The following PRPSAP2 variants were observed in gnomAD, a reference collection of about 807,000 sequenced individuals.
PRPSAP2 encodes the protein phosphoribosyl pyrophosphate synthetase associated protein 2.
A neutral mutation model predicts 40.6 loss-of-function variants in PRPSAP2; 24 were observed. The ratio of observed to expected loss-of-function variants is 0.59; its 90% confidence interval spans 0.43 to 0.83. PRPSAP2 has a LOEUF of 0.83. Among genes scored for constraint, PRPSAP2 ranks in the 40% least tolerant of loss-of-function variants. The pLI is 0.00. For missense variants in PRPSAP2, 292 were observed against 465.6 expected, an observed-to-expected ratio of 0.63 and a Z score of 3.43; for synonymous variants, 149 against 164.7, an observed-to-expected ratio of 0.90 and a Z score of 0.73.
chr17:18,914,017 T>TA (rs1396529714), intron 9 of PRPSAP2, among the ~76,000 whole-genome samples: 5 of 151,046 alleles, frequency 3.3e-5, no homozygotes, highest in Admixed American at 1.3e-4. Flanking sequence ...CTACAAAAAA[T>TA]ACAAAAATTA....
intron 10 of PRPSAP2, among the ~76,000 whole-genome samples, chr17:18,926,615 T>C (rs1035227447): frequency 6.6e-6 from 1 of 152,054 alleles, no homozygotes; most frequent in Non-Finnish European, 1.5e-5. Context: ...TAATTATAGA[T>C]CCACAGGAAG....
chr17:18,889,750 A>G (rs1302938178), intron 7 of PRPSAP2, 72 bp from the exon 8 acceptor site: 2 of 1,257,190 alleles, frequency 1.6e-6, no homozygotes, highest in Non-Finnish European at 2.2e-6. Flanking sequence ...CAACTAGCCA[A>G]GCATTTTTGG....
At chr17:18,914,812 G>T (rs146690247) in intron 9 of PRPSAP2, among the ~76,000 whole-genome samples, 1 of 150,138 alleles carries the variant, frequency 6.7e-6, no homozygotes, top group African/African-American at 2.5e-5. Context: ...GCAACCTCCA[G>T]CTCCCGGGTT....
At chr17:18,917,550 T>TATTATTATC (rs1168066259) in intron 9 of PRPSAP2, 3 of 41,238 alleles carry the variant, frequency 7.3e-5, no homozygotes, top group Non-Finnish European at 1.4e-4. Context: ...ATTTTGGTAT[T>TATTATTATC]ATTATTATTA....
chr17:18,923,234 C>T (rs996608336), intron 9 of PRPSAP2, among the ~76,000 whole-genome samples: 2 of 150,022 alleles, frequency 1.3e-5, no homozygotes, highest in Admixed American at 6.7e-5. Context: ...GGACTACAGG[C>T]GCCCACTAGC....
chr17:18,927,897 G>A (rs773218628), intron 10 of PRPSAP2, among the ~76,000 whole-genome samples: 8 of 152,064 alleles, frequency 5.3e-5, no homozygotes, highest in Non-Finnish European at 8.8e-5. Flanking sequence ...TCCTGCCTCA[G>A]CCTCCCAAGT....
chr17:18,911,123 G>T lies in PRPSAP2; in HGVS notation c.605G>T (p.Arg202Leu). 6.2e-7 allele frequency: 1 copy of T among 1,612,232 alleles called. No homozygotes were observed. Among genetic ancestry groups the T allele is most frequent in the Non-Finnish European group, 8.5e-7 (1 of 1,178,896 alleles). ...SAKRAQSFAE[R>L]LRLGIAVIHG... The stretch of plus-strand genomic sequence containing the variant: ...CTCAGGGCACAGTCTTTTGCTGAGC[G>T]CCTGCGCCTGGGAATTGCAGTGATT... Residue 202 changes from arginine to leucine, a missense_variant, in exon 9 of 12, where the codon CGC (arginine) becomes CTC (leucine). Transcript: ENST00000268835. The surrounding 1 kb of genome is among the most constrained non-coding windows in gnomAD (Gnocchi z 4.5).
intron 9 of PRPSAP2, among the ~76,000 whole-genome samples, chr17:18,916,905 C>T (rs1257739432): frequency 6.6e-6 from 1 of 152,140 alleles, no homozygotes; most frequent in African/African-American, 2.4e-5. Context: ...TAATCATTTC[C>T]CAAAGGCCCC....
rs993962198 is a variant in PRPSAP2 at position 18,882,663 on chromosome 17, T to C, written c.508T>C (p.Leu170=). The change falls in exon 7 of 12, where the codon TTA becomes CTA. Residue 170 remains leucine, a synonymous_variant. Transcript: ENST00000268835. ...VDNLRASPFL[L]QYIQEEIPDY... is the part of the protein sequence containing the mutation. Reference sequence around the variant, plus strand: ...CAATTTAAGAGCATCTCCCTTCTTATTACAGTATATTCAAGAAGAGGTGAG... The same window carrying C: ...CAATTTAAGAGCATCTCCCTTCTTACTACAGTATATTCAAGAAGAGGTGAG... The C allele has an allele frequency of 1.3e-6, 2 of 1,586,402 alleles. No individual in the cohort carries two copies. The highest frequency in any genetic ancestry group is 2.7e-5 in the African/African-American group (2 of 74,192).
chr17:18,881,033 C>T (rs911383609), intron 6 of PRPSAP2, among the ~76,000 whole-genome samples: 24 of 151,616 alleles, frequency 1.6e-4, no homozygotes, highest in African/African-American at 5.1e-4. Context: ...GGGGTTTCAC[C>T]GTGTTGGCCA....
At chr17:18,864,787 G>C (rs1204652843) in intron 1 of PRPSAP2, 1 of 152,186 alleles carries the variant, frequency 6.6e-6, no homozygotes, top group Non-Finnish European at 1.5e-5. Flanking sequence ...CAGCCTGCTG[G>C]ATTGTTGCTG....
intron 4 of PRPSAP2, among the ~76,000 whole-genome samples, chr17:18,869,840 T>TGTG (rs59052578): frequency 7.0e-6 from 1 of 142,458 alleles, no homozygotes; most frequent in African/African-American, 2.7e-5. Flanking sequence ...GCTACTTTTT[T>TGTG]TTTGTGTGTG....
At chr17:18,903,603 G>A (rs573613330) in intron 8 of PRPSAP2, among the ~76,000 whole-genome samples, 58 of 152,140 alleles carry the variant, frequency 3.8e-4, no homozygotes, top group African/African-American at 1.4e-3. Flanking sequence ...GTGTGGTGGC[G>A]TGTGCCTCTA....
chr17:18,870,734 G>A (rs574466166), intron 4 of PRPSAP2, among the ~76,000 whole-genome samples: 54 of 151,746 alleles, frequency 3.6e-4, no homozygotes, highest in Non-Finnish European at 6.6e-4. Context: ...ACTTGAGTCC[G>A]GGAGGTGGAG....
intron 5 of PRPSAP2, among the ~76,000 whole-genome samples, chr17:18,875,077 T>C (rs986910249): frequency 6.6e-6 from 1 of 152,208 alleles, no homozygotes; most frequent in African/African-American, 2.4e-5. Flanking sequence ...ATACTTATCC[T>C]GTGCCCCTGT....
chr17:18,919,390 C>T (rs367616942), intron 9 of PRPSAP2, among the ~76,000 whole-genome samples: 4 of 152,152 alleles, frequency 2.6e-5, no homozygotes, highest in Non-Finnish European at 4.4e-5. Context: ...TGCCTGTAAT[C>T]GCAGCTACTC....
chr17:18,860,615 T>G (rs1194741791), intron 1 of PRPSAP2: 1 of 152,212 alleles, frequency 6.6e-6, no homozygotes. Flanking sequence ...CAAGGACAAG[T>G]GATGTCCACA....
chr17:18,899,481 C>A (rs1167749931), intron 8 of PRPSAP2, among the ~76,000 whole-genome samples: 1 of 147,134 alleles, frequency 6.8e-6, no homozygotes, highest in Non-Finnish European at 1.5e-5. Flanking sequence ...ATTATTTTCA[C>A]TGTAACTTCC....
At chr17:18,884,062 AG>A (rs903029827) in intron 7 of PRPSAP2, among the ~76,000 whole-genome samples, 10 of 152,066 alleles carry the variant, frequency 6.6e-5, no homozygotes, top group Admixed American at 6.5e-4. Context: ...TGAGGTCAGG[AG>A]TTCAGACCAG....
Sources: gnomAD v4.1 joint callset for allele counts (sites outside exome capture counted in the v4.1 genomes callset) on GRCh38, gnomAD v4.1.1 for gene constraint, Gnocchi (gnomAD v3.1) non-coding constraint, MANE v1.5 for transcripts, NCBI Gene and HGNC (gene_info 2026-07-23, HGNC 2026-07-21) for gene names.